PDE3A: variants seen among roughly 807,000 people sequenced by gnomAD.
PDE3A encodes the protein cGMP-inhibited 3',5'-cyclic phosphodiesterase 3A.
In PDE3A, 43 loss-of-function variants were observed where a neutral mutation model predicts 98.3. The ratio of observed to expected loss-of-function variants is 0.44; its 90% CI spans 0.34 to 0.56. The LOEUF is 0.56. PDE3A is among the 20% of genes least tolerant of loss of function. PDE3A has a pLI of 0.01. For synonymous variants in PDE3A, 663 were observed against 567.9 expected (o/e 1.17, Z -2.38); for missense variants, 1,427 against 1,440.7 (o/e 0.99, Z 0.15).
intron 3 of PDE3A, among the ~76,000 whole-genome samples, 164 bp from the exon 4 acceptor site, chr12:20,616,066 T>C (rs1943997752): frequency 7.3e-6 from 1 of 136,634 alleles, no homozygotes. Context: ...AGAGAGTCTT[T>C]TATTAAATTT....
At chr12:20,386,061 A>G (rs1943766414) in intron 1 of PDE3A, among the ~76,000 whole-genome samples, 1 of 91,140 alleles carries the variant, frequency 1.1e-5, no homozygotes, top group Non-Finnish European at 2.0e-5. Flanking sequence ...AATATATATA[A>G]ATATATATAA....
At chr12:20,665,774 G>A (rs966951639) in intron 15 of PDE3A, among the ~76,000 whole-genome samples, 1 of 151,876 alleles carries the variant, frequency 6.6e-6, no homozygotes, top group African/African-American at 2.4e-5. Flanking sequence ...GGCATAGAGT[G>A]CTCTTATGTT....
intron 2 of PDE3A, among the ~76,000 whole-genome samples, chr12:20,596,522 T>C (rs1943470719): frequency 6.6e-6 from 1 of 152,170 alleles, no homozygotes; most frequent in African/African-American, 2.4e-5. Context: ...AGATACATCA[T>C]ACAATTTTAT....
chr12:20,370,030 T>TAA lies in PDE3A; in HGVS notation c.746_747insAA (p.Leu250ThrfsTer27). 1 of 1,612,988 alleles carries TAA rather than the reference T, an allele frequency of 6.2e-7. No homozygotes were observed. The highest frequency in any genetic ancestry group is 8.5e-7 in the Non-Finnish European group (1 of 1,179,890). On this transcript the variant is annotated frameshift_variant, in exon 1 of 16. Coordinates refer to ENST00000359062, the MANE Select transcript of PDE3A (RefSeq NM_000921.5). LOFTEE classifies it high-confidence loss of function. The stretch of plus-strand genomic sequence containing the variant: ...GCGTACCTGGCCGGCGTGCTGGGGA[T>TAA]CCTCTTGGCCAGGTACGTGGAACAA...
intron 1 of PDE3A, 165 bp downstream of exon 1, chr12:20,370,409 G>GT (rs372135967): frequency 0.17 from 47,608 of 284,150 alleles, 286 homozygotes; most frequent in Non-Finnish European, 0.19. Context: ...TGTTTTTTTT[G>GT]TTTTTTTTTT....
In PDE3A at chr12:20,661,795, G is replaced by A. The variant is rs557553162; in HGVS notation, c.3184+7590G>A. Among the ~76,000 whole-genome samples, 39 of 152,312 alleles carry A rather than the reference G, an allele frequency of 2.6e-4. No individual in the cohort carries two copies. The Middle Eastern group carries it at 0.014, about 53-fold the overall frequency. On this transcript the variant is annotated intron_variant, in intron 15 of 15. Transcript: ENST00000359062. ...GATCAGGCAGAAGTTTGCTGCAGGG[G>A]TGGGGCAGTCATGCAGAACCTCTGC...
At chr12:20,402,731 A>T (rs1944155684) in intron 1 of PDE3A, among the ~76,000 whole-genome samples, 1 of 152,204 alleles carries the variant, frequency 6.6e-6, no homozygotes, top group Non-Finnish European at 1.5e-5. Context: ...TTTTCTTTAT[A>T]TCTGCAGTAT....
At chr12:20,583,169 G>A (rs1943110730) in intron 2 of PDE3A, among the ~76,000 whole-genome samples, 1 of 152,066 alleles carries the variant, frequency 6.6e-6, no homozygotes, top group African/African-American at 2.4e-5. Context: ...CATAGAGTAA[G>A]TTTTTGAATA....
chr12:20,422,311 T>C (rs370224286), intron 1 of PDE3A, among the ~76,000 whole-genome samples: 127 of 151,740 alleles, frequency 8.4e-4, no homozygotes, highest in African/African-American at 2.8e-3. Flanking sequence ...ACCACTGCAC[T>C]CCAGCCTGGG....
chr12:20,606,264 A>AT (rs1231687107), intron 2 of PDE3A, among the ~76,000 whole-genome samples: 1 of 151,290 alleles, frequency 6.6e-6, no homozygotes, highest in Non-Finnish European at 1.5e-5. Flanking sequence ...GCATTCTTAG[A>AT]TTTTATCTTT....
chr12:20,497,731 T>G (rs1033326863), intron 1 of PDE3A, among the ~76,000 whole-genome samples: 1 of 152,090 alleles, frequency 6.6e-6, no homozygotes, highest in Non-Finnish European at 1.5e-5. Flanking sequence ...GCAAAATGCA[T>G]CAAAATCAGG....
chr12:20,402,484 G>A (rs1165002482), intron 1 of PDE3A, among the ~76,000 whole-genome samples: 1 of 151,976 alleles, frequency 6.6e-6, no homozygotes, highest in African/African-American at 2.4e-5. Context: ...TTGTGATTTG[G>A]ACTCACCCTC....
chr12:20,467,889 T>C (rs1245815611), intron 1 of PDE3A, among the ~76,000 whole-genome samples: 7 of 122,568 alleles, frequency 5.7e-5, no homozygotes, highest in African/African-American at 1.9e-4. Context: ...GAGCTGAGAT[T>C]GGGCCACTGC....
intron 1 of PDE3A, among the ~76,000 whole-genome samples, chr12:20,440,409 G>A (rs958678758): frequency 5.9e-5 from 9 of 152,218 alleles, no homozygotes; most frequent in African/African-American, 1.7e-4. Flanking sequence ...TGAAATCAGA[G>A]CAGTAAGCAA....
At chr12:20,582,822 T>C (rs1592080293) in intron 2 of PDE3A, among the ~76,000 whole-genome samples, 2 of 152,172 alleles carry the variant, frequency 1.3e-5, no homozygotes, top group African/African-American at 2.4e-5. Flanking sequence ...TGATGGAGTA[T>C]AGAGGTGAAA....
intron 1 of PDE3A, among the ~76,000 whole-genome samples, chr12:20,531,984 C>T (rs1278915177): frequency 6.6e-6 from 1 of 151,126 alleles, no homozygotes; most frequent in Non-Finnish European, 1.5e-5. Context: ...GTGTGCAAGT[C>T]TAATGGATAG....
At chr12:20,477,528 A>T (rs993908937) in intron 1 of PDE3A, among the ~76,000 whole-genome samples, 1 of 152,134 alleles carries the variant, frequency 6.6e-6, no homozygotes, top group African/African-American at 2.4e-5. Flanking sequence ...AAGATGCAAA[A>T]TGTTAAGGCC....
chr12:20,427,029 A>G (rs758626267), intron 1 of PDE3A, among the ~76,000 whole-genome samples: 30 of 152,214 alleles, frequency 2.0e-4, no homozygotes, highest in Non-Finnish European at 3.5e-4. Context: ...TATTCAGTCT[A>G]GTTTTGAAAT....
intron 2 of PDE3A, among the ~76,000 whole-genome samples, chr12:20,577,603 T>G (rs1317556461): frequency 6.6e-6 from 1 of 152,176 alleles, no homozygotes; most frequent in Admixed American, 6.5e-5. Flanking sequence ...AGCTGGGTAA[T>G]CTTGGACCAG....
Sources: allele counts gnomAD v4.1 joint callset (sites outside exome capture counted in the v4.1 genomes callset), GRCh38; gene constraint gnomAD v4.1.1; transcripts MANE v1.5; gene names NCBI Gene and HGNC (gene_info 2026-07-23, HGNC 2026-07-21).